PGR: variants seen among roughly 807,000 people sequenced by gnomAD.
The protein encoded by PGR is nuclear receptor subfamily 3 group C member 3.
Under a neutral mutation model 76.1 loss-of-function variants are expected in PGR, and 25 were observed. The ratio of observed to expected loss-of-function variants is 0.33; its 90% CI spans 0.24 to 0.46. PGR has a LOEUF of 0.46. PGR is among the 20% of genes least tolerant of loss of function. The pLI, the probability that PGR is intolerant of heterozygous loss-of-function variation, is 1.00. For synonymous variants in PGR, 579 were observed against 535.0 expected, an observed-to-expected ratio of 1.08 and a Z score of -1.14; for missense variants, 1,172 against 1,225.3, an observed-to-expected ratio of 0.96 and a Z score of 0.65.
chr11:101,080,293 G>A (rs1396098963), intron 3 of PGR, among the ~76,000 whole-genome samples: 1 of 152,118 alleles, frequency 6.6e-6, no homozygotes, highest in Admixed American at 6.5e-5. Flanking sequence ...CTATGGGCCT[G>A]TGGGATGACC....
At chr11:101,054,577 C>G (rs1339725454) in intron 4 of PGR, among the ~76,000 whole-genome samples, 1 of 151,986 alleles carries the variant, frequency 6.6e-6, no homozygotes, top group Non-Finnish European at 1.5e-5. Context: ...AAAAGGAAGC[C>G]TTTCTAAAGG....
intron 4 of PGR, among the ~76,000 whole-genome samples, chr11:101,058,053 A>G (rs1403224658): frequency 6.6e-6 from 1 of 152,208 alleles, no homozygotes; most frequent in Non-Finnish European, 1.5e-5. Context: ...ACAAATCCAC[A>G]CAGGAGTCGG....
intron 2 of PGR, among the ~76,000 whole-genome samples, chr11:101,101,783 T>C (rs1269245709): frequency 3.3e-5 from 5 of 152,212 alleles, no homozygotes; most frequent in African/African-American, 1.2e-4. Flanking sequence ...TTTGAAAAAT[T>C]AGTATCTAAT....
intron 3 of PGR, among the ~76,000 whole-genome samples, chr11:101,078,988 G>A (rs186047444): frequency 2.6e-5 from 4 of 152,106 alleles, no homozygotes; most frequent in Non-Finnish European, 4.4e-5. Context: ...TGCATTAACA[G>A]TCAACTCATT....
In PGR at chr11:101,031,548, G is replaced by GT. The variant is rs1299798817; in HGVS notation, c.*7567dup. 4.4e-6 allele frequency: 1 copy of GT among 225,820 alleles called. No homozygotes were observed. Among genetic ancestry groups the GT allele is most frequent in the Non-Finnish European group, 8.8e-6 (1 of 113,752 alleles). 14.0% of individuals were successfully genotyped at this position (225,820 alleles called of 1,614,324 possible). ...GTGCTCCCTCCTCAGCTCCAAGGCT[G>GT]TGGAGGGCTCATGAAGTCACAATGT... On this transcript the variant is annotated 3_prime_UTR_variant, in exon 8 of 8. Transcript: ENST00000325455.
intron 1 of PGR, 89 bp downstream of exon 1, chr11:101,127,345 T>C: frequency 4.0e-6 from 4 of 989,920 alleles, no homozygotes; most frequent in Non-Finnish European, 5.6e-6. Context: ...AGCGGTGCGC[T>C]GGGGCTGGGG....
At position 101,129,193 on chromosome 11, in the gene PGR, G is replaced by GGA. The variant is rs1863021521; in HGVS notation, c.-125_-124dup. ...AGTGGGTGTTGAATGTGGCTGGACC[G>GGA]GAGGGATCTCCACCTCCTGGGTCGG... On this transcript the variant is annotated 5_prime_UTR_variant, in exon 1 of 8. Coordinates refer to ENST00000325455, the MANE Select transcript of PGR (RefSeq NM_000926.4). The GGA allele has an allele frequency of 1.7e-5, 5 of 290,848 alleles. No individual in the cohort carries two copies. In the Admixed American group the frequency reaches 2.9e-4, roughly 17 times the overall value. The allele number at this position is 290,848 out of a possible 1,614,324, so 18.0% of individuals were successfully genotyped here.
intron 2 of PGR, among the ~76,000 whole-genome samples, chr11:101,093,374 T>C (rs371708079): frequency 2.6e-5 from 4 of 152,116 alleles, no homozygotes; most frequent in Admixed American, 6.6e-5. Flanking sequence ...GAGAGCAAGG[T>C]GTGTGTAAGT....
intron 2 of PGR, among the ~76,000 whole-genome samples, chr11:101,123,433 T>A (rs1011278481): frequency 1.3e-5 from 2 of 152,234 alleles, no homozygotes; most frequent in Non-Finnish European, 2.9e-5. Context: ...CTTCTACTTA[T>A]CTTTCTCATT....
chr11:101,127,705 A>G lies in PGR; in HGVS notation c.1366T>C (p.Ser456Pro), dbSNP rs764669498. 1.8e-5 allele frequency: 28 copies of G among 1,582,708 alleles called. 1 individual carries two copies. The highest frequency in any genetic ancestry group is 1.7e-4 in the Middle Eastern group (1 of 6,052). The change falls in exon 1 of 8, where the codon TCG (serine) becomes CCG (proline). Residue 456 changes from serine to proline, a missense_variant. Physicochemically the swap from Ser to Pro is moderately conservative, Grantham distance 74 (BLOSUM62 -1). Coordinates refer to ENST00000325455, the MANE Select transcript of PGR (RefSeq NM_000926.4). ...TTGTACAGGATGCACTCCAGGGTCGACCCCGAGGAGGACGCAGACGAGACT... is the reference window on the plus strand; with the variant it reads ...TTGTACAGGATGCACTCCAGGGTCGGCCCCGAGGAGGACGCAGACGAGACT... ...ASVSSASSSG[S>P]TLECILYKAE...
intron 3 of PGR, among the ~76,000 whole-genome samples, chr11:101,081,818 T>G (rs371199725): frequency 6.6e-5 from 10 of 152,210 alleles, no homozygotes; most frequent in African/African-American, 2.4e-4. Context: ...CTTAAGCACA[T>G]AGCCTGCACA....
intron 2 of PGR, among the ~76,000 whole-genome samples, chr11:101,108,367 G>T (rs1591422098): frequency 6.6e-6 from 1 of 151,926 alleles, no homozygotes; most frequent in South Asian, 2.1e-4. Context: ...GCAAAGCCTT[G>T]TCTATTAAAA....
intron 7 of PGR, among the ~76,000 whole-genome samples, chr11:101,039,965 T>C (rs1019592906): frequency 1.3e-5 from 2 of 152,064 alleles, no homozygotes; most frequent in African/African-American, 4.8e-5. Flanking sequence ...TCTCTTATAC[T>C]AGACACTCTC....
rs769108516 is a variant in PGR at position 101,127,817 on chromosome 11, C to A, written c.1254G>T (p.Pro418=). The A allele has an allele frequency of 6.4e-7, 1 of 1,573,258 alleles. No individual in the cohort carries two copies. Among genetic ancestry groups the A allele is most frequent in the Admixed American group, 1.8e-5 (1 of 54,756 alleles). ...GCGGCAGCGGGGGCGGTGGCCCCAA[C>A]GGGAAATCCGGGAAGGCTGCGGGGT... ...GANPAAFPDF[P]LGPPPPLPPR... Residue 418 remains proline (P), a synonymous_variant, in exon 1 of 8, where the codon CCG becomes CCT. Coordinates refer to ENST00000325455, the MANE Select transcript of PGR (RefSeq NM_000926.4).
intron 3 of PGR, among the ~76,000 whole-genome samples, chr11:101,066,452 C>A (rs924637926): frequency 1.3e-5 from 2 of 152,176 alleles, no homozygotes; most frequent in Non-Finnish European, 2.9e-5. Context: ...AGTCCTCAGA[C>A]TTCTCTTAGA....
intron 2 of PGR, among the ~76,000 whole-genome samples, chr11:101,113,130 T>A (rs1204359358): frequency 4.6e-5 from 7 of 152,210 alleles, no homozygotes; most frequent in African/African-American, 1.7e-4. Context: ...AACAGTGGAA[T>A]CATCCCCAAA....
intron 3 of PGR, among the ~76,000 whole-genome samples, chr11:101,070,886 T>C (rs1312005837): frequency 1.3e-5 from 2 of 152,144 alleles, no homozygotes; most frequent in Non-Finnish European, 2.9e-5. Context: ...GGGGTGGCTG[T>C]GGGCGCAGCT....
Position 101,127,995 on chromosome 11 carries a change from G to C in PGR, c.1076C>G (p.Pro359Arg). ...SSTPVAVGDF[P>R]DCAYPPDAEP... ...GGCGTCGGGCGGGTACGCGCAGTCGGGGAAGTCGCCTACAGCGACCGGGGT... is the reference window on the plus strand; with the variant it reads ...GGCGTCGGGCGGGTACGCGCAGTCGCGGAAGTCGCCTACAGCGACCGGGGT... The change falls in exon 1 of 8, where the codon CCC (proline) becomes CGC (arginine). Residue 359 changes from proline (P) to arginine (R), a missense_variant. By Grantham distance (103) the Pro-to-Arg change is moderately radical. Coordinates refer to ENST00000325455, the MANE Select transcript of PGR (RefSeq NM_000926.4). The C allele has an allele frequency of 1.9e-6, 3 of 1,611,570 alleles. No homozygotes were observed. The highest frequency in any genetic ancestry group is 2.2e-5 in the South Asian group (2 of 91,082).
chr11:101,065,708 T>C (rs1417247063), intron 3 of PGR, among the ~76,000 whole-genome samples: 1 of 152,100 alleles, frequency 6.6e-6, no homozygotes, highest in Non-Finnish European at 1.5e-5. Context: ...GCCCGCTGCA[T>C]TGACATCAGG....
Sources: allele counts gnomAD v4.1 joint callset (sites outside exome capture counted in the v4.1 genomes callset), GRCh38; gene constraint gnomAD v4.1.1; transcripts MANE v1.5; gene names NCBI Gene and HGNC (gene_info 2026-07-23, HGNC 2026-07-21).